Variants in WDFY4 observed in about 807,000 individuals in gnomAD.
WDFY4 encodes the protein WDFY family member 4.
WDFY4 carries 169 observed loss-of-function variants against 351.9 expected under a neutral mutation model. The ratio of observed to expected loss-of-function variants is 0.48; its 90% CI spans 0.42 to 0.55. WDFY4 has a LOEUF of 0.55. WDFY4 is among the 20% of genes least tolerant of loss of function. WDFY4 has a pLI of 0.00. For missense variants in WDFY4, 3,803 were observed against 3,935.6 expected, an observed-to-expected ratio of 0.97 and a Z score of 0.90; for synonymous variants, 1,622 against 1,574.6, an observed-to-expected ratio of 1.03 and a Z score of -0.71.
intron 12 of WDFY4, among the ~76,000 whole-genome samples, chr10:48,757,456 T>C (rs1235673856): frequency 6.6e-6 from 1 of 152,190 alleles, no homozygotes; most frequent in African/African-American, 2.4e-5. Context: ...TTGATTACTG[T>C]TAGGATGGTA....
At chr10:48,804,451 C>CT (rs2067185660) in intron 25 of WDFY4, among the ~76,000 whole-genome samples, 1 of 151,566 alleles carries the variant, frequency 6.6e-6, no homozygotes, top group Non-Finnish European at 1.5e-5. Flanking sequence ...AGAGGAGCAT[C>CT]TGTCTTCTCT....
At chr10:48,796,581 A>G in intron 24 of WDFY4, 131 bp downstream of exon 24, 3 of 1,292,324 alleles carry the variant, frequency 2.3e-6, no homozygotes, top group South Asian at 3.0e-5. Flanking sequence ...GGAAAACCAA[A>G]CGAGCCTGCC....
chr10:48,935,546 T>G (rs10776658), intron 47 of WDFY4, among the ~76,000 whole-genome samples: 4 of 152,140 alleles, frequency 2.6e-5, no homozygotes, highest in Non-Finnish European at 4.4e-5. Context: ...ATAGCATTCA[T>G]GAAACATCAC....
intron 24 of WDFY4, chr10:48,802,885 G>C (rs146613527): frequency 2.5e-4 from 119 of 481,386 alleles, no homozygotes; most frequent in African/African-American, 1.9e-3. Flanking sequence ...TCACTCAGCT[G>C]GTCTGTCTCA....
chr10:48,915,755 C>T (rs757698265), intron 47 of WDFY4, among the ~76,000 whole-genome samples: 3 of 152,138 alleles, frequency 2.0e-5, no homozygotes, highest in Non-Finnish European at 2.9e-5. Flanking sequence ...GGATCACAGC[C>T]GCCTGGGATA....
intron 20 of WDFY4, among the ~76,000 whole-genome samples, chr10:48,787,880 TTCTTCTTCTTCTC>T (rs2066484905): frequency 1.1e-5 from 1 of 91,452 alleles, no homozygotes. Context: ...TCTTCTTTCT[TTCTTCTTCTTCTC>T]CTTCTTCTTC....
intron 1 of WDFY4, among the ~76,000 whole-genome samples, chr10:48,694,679 G>C (rs2132106060): frequency 6.6e-6 from 1 of 152,182 alleles, no homozygotes; most frequent in South Asian, 2.1e-4. Flanking sequence ...CTCTCTGCAG[G>C]GCCCTCTCAC....
Position 48,760,523 on chromosome 10 carries a change from C to G in WDFY4, c.2553+83C>G, listed in dbSNP as rs968341482. ...CCTTCTGACCCAAGACAGCTTTTTT[C>G]CTTTTGTCCGTGTCTTCAGTGCCCT... is the stretch of plus-strand genomic sequence containing the variant. On this transcript the variant is annotated intron_variant, in intron 13 of 61. Transcript: ENST00000325239. The G allele has an allele frequency of 3.6e-6, 5 of 1,404,576 alleles. No individual in the cohort carries two copies. In the African/African-American group the frequency reaches 7.1e-5, roughly 20 times the overall value. 87.0% of individuals were successfully genotyped at this position (1,404,576 alleles called of 1,614,324 possible). A position where few individuals can be genotyped will look rare whatever the true frequency, so the allele number is the denominator to read the frequency against.
intron 39 of WDFY4, among the ~76,000 whole-genome samples, chr10:48,847,546 G>C (rs1402295287): frequency 1.3e-5 from 2 of 152,022 alleles, no homozygotes; most frequent in East Asian, 3.9e-4. Flanking sequence ...CCTGCCTGAG[G>C]GGGTGTGAGT....
intron 57 of WDFY4, among the ~76,000 whole-genome samples, chr10:48,971,793 G>A (rs1842349518): frequency 1.3e-5 from 2 of 152,168 alleles, no homozygotes; most frequent in South Asian, 4.1e-4. Flanking sequence ...AGAGGCAGCT[G>A]TACAGGCAAC....
intron 16 of WDFY4, 56 bp downstream of exon 16, chr10:48,777,040 G>C (rs1320358104): frequency 6.7e-7 from 1 of 1,493,326 alleles, no homozygotes; most frequent in Non-Finnish European, 9.0e-7. Context: ...CAGTGCCTCT[G>C]ATGAATTATA....
intron 25 of WDFY4, chr10:48,804,826 G>A (rs2067199642): frequency 1.0e-6 from 1 of 973,254 alleles, no homozygotes; most frequent in Non-Finnish European, 1.2e-6. Context: ...ACTTTCAGTG[G>A]CGTGTCTCTC....
At chr10:48,761,790 G>A (rs1404513735) in intron 13 of WDFY4, among the ~76,000 whole-genome samples, 2 of 152,244 alleles carry the variant, frequency 1.3e-5, no homozygotes, top group East Asian at 3.8e-4. Flanking sequence ...CAGCAGCCAA[G>A]GAAAGAGGAT....
intron 5 of WDFY4, among the ~76,000 whole-genome samples, chr10:48,725,189 A>T (rs2064225286): frequency 6.6e-6 from 1 of 152,226 alleles, no homozygotes; most frequent in African/African-American, 2.4e-5. Flanking sequence ...TTCTCTCTGT[A>T]TCAGACTAGA....
chr10:48,786,865 T>A lies in WDFY4; in HGVS notation c.3803T>A (p.Val1268Asp). ...RYCGNFQAVH[V>D]QGEDLDSEAT... ...TGTGGTAACTTCCAAGCTGTGCATGTCCAAGGTATGGAGTGTTTTGATTTA... is the reference window on the plus strand; with the variant it reads ...TGTGGTAACTTCCAAGCTGTGCATGACCAAGGTATGGAGTGTTTTGATTTA... Residue 1268 changes from valine (V) to aspartate (D), a missense_variant, in exon 20 of 62, where the codon GTC (valine) becomes GAC (aspartate). Transcript: ENST00000325239. The A allele has an allele frequency of 1.9e-6, 3 of 1,551,658 alleles. No individual in the cohort carries two copies. Among genetic ancestry groups the A allele is most frequent in the Non-Finnish European group, 2.6e-6 (3 of 1,146,772 alleles).
intron 47 of WDFY4, among the ~76,000 whole-genome samples, chr10:48,925,089 T>G (rs1839456883): frequency 6.6e-6 from 1 of 152,220 alleles, no homozygotes; most frequent in Admixed American, 6.5e-5. Context: ...ATCTTTTACT[T>G]GTCGGTCATC....
chr10:48,798,320 G>GA (rs1001664560), intron 24 of WDFY4, among the ~76,000 whole-genome samples: 18 of 148,716 alleles, frequency 1.2e-4, no homozygotes, highest in African/African-American at 3.0e-4. Context: ...AATAAAATAG[G>GA]AAAAAAAAAC....
intron 14 of WDFY4, 62 bp downstream of exon 14, chr10:48,774,734 G>T (rs1163954580): frequency 8.5e-6 from 13 of 1,538,376 alleles, no homozygotes; most frequent in Non-Finnish European, 1.1e-5. Flanking sequence ...GCAGGGCAGG[G>T]GTTGCACAAT....
chr10:48,913,339 C>G (rs1389988702), intron 47 of WDFY4: 1 of 1,552,660 alleles, frequency 6.4e-7, no homozygotes, highest in South Asian at 1.2e-5. Context: ...GCCCACTGCC[C>G]TCTTCCCTCC....
Sources: gnomAD v4.1 joint callset for allele counts (sites outside exome capture counted in the v4.1 genomes callset) on GRCh38, gnomAD v4.1.1 for gene constraint, MANE v1.5 for transcripts, NCBI Gene and HGNC (gene_info 2026-07-23, HGNC 2026-07-21) for gene names.